The following NCOA1 variants were observed in gnomAD, a reference collection of about 807,000 sequenced individuals.
NCOA1 encodes the protein Hin-2 protein.
Under a neutral mutation model 150.9 loss-of-function variants are expected in NCOA1, and 35 were observed. The observed-to-expected ratio is 0.23, with a 90% CI of 0.18 to 0.31. NCOA1 has a LOEUF of 0.31. Among genes scored for constraint, NCOA1 ranks in the 10% least tolerant of loss-of-function variants. NCOA1 has a pLI of 1.00. For missense variants in NCOA1, 1,491 were observed against 1,749.3 expected (o/e 0.85, Z 2.63); for synonymous variants, 590 against 630.0 (o/e 0.94, Z 0.95).
chr2:24,767,094 A>G (rs775858247), intron 22 of NCOA1, among the ~76,000 whole-genome samples: 5 of 152,198 alleles, frequency 3.3e-5, no homozygotes, highest in Non-Finnish European at 1.5e-5. Context: ...AGACCAGGGG[A>G]CAGACTGGTG....
At chr2:24,742,814 G>A (rs946752240) in intron 19 of NCOA1, among the ~76,000 whole-genome samples, 1 of 151,844 alleles carries the variant, frequency 6.6e-6, no homozygotes, top group African/African-American at 2.4e-5. Context: ...TTCAAAATTC[G>A]CATGTAGTTT....
At chr2:24,624,738 CA>C (rs1187794840) in intron 3 of NCOA1, among the ~76,000 whole-genome samples, 1 of 152,052 alleles carries the variant, frequency 6.6e-6, no homozygotes, top group African/African-American at 2.4e-5. Context: ...CTCTACGTAT[CA>C]ATATAGAATA....
At chr2:24,661,325 G>T (rs1002282147) in intron 5 of NCOA1, among the ~76,000 whole-genome samples, 1 of 151,856 alleles carries the variant, frequency 6.6e-6, no homozygotes, top group East Asian at 1.9e-4. Context: ...TGAATTTCTT[G>T]GTTGTATCTT....
Position 24,673,445 on chromosome 2 carries a change from G to A in NCOA1, c.336G>A (p.Leu112=). ...SSQGVIEKES[L]GPLLLEALDG... is the part of the protein sequence containing the mutation. ...AAGGAGTGATAGAAAAGGAATCCTTGGGACCTCTTCTTTTGGAGGTAGGTG... is the reference window on the plus strand; with the variant it reads ...AAGGAGTGATAGAAAAGGAATCCTTAGGACCTCTTCTTTTGGAGGTAGGTG... The change falls in exon 7 of 23, where the codon TTG becomes TTA. Residue 112 remains leucine (L), a synonymous_variant. Transcript: ENST00000348332. The A allele has an allele frequency of 6.3e-7, 1 of 1,588,440 alleles. No homozygotes were observed. The highest frequency in any genetic ancestry group is 8.5e-7 in the Non-Finnish European group (1 of 1,170,762).
intron 7 of NCOA1, among the ~76,000 whole-genome samples, chr2:24,679,476 C>T (rs1404512429): frequency 6.6e-6 from 1 of 152,128 alleles, no homozygotes; most frequent in Non-Finnish European, 1.5e-5. Context: ...AGGTCTTCCA[C>T]TATCAACCTC....
At chr2:24,617,489 C>T (rs1434768165) in intron 3 of NCOA1, among the ~76,000 whole-genome samples, 1 of 152,102 alleles carries the variant, frequency 6.6e-6, no homozygotes, top group Non-Finnish European at 1.5e-5. Flanking sequence ...TGCACACGTT[C>T]TGTTGGTCAT....
At chr2:24,639,863 G>T (rs1670100286) in intron 3 of NCOA1, among the ~76,000 whole-genome samples, 1 of 140,142 alleles carries the variant, frequency 7.1e-6, no homozygotes. Context: ...ACTCCAGCCC[G>T]GGCGACAGTG....
At chr2:24,553,253 T>A (rs979138925) in intron 1 of NCOA1, among the ~76,000 whole-genome samples, 28 of 151,818 alleles carry the variant, frequency 1.8e-4, no homozygotes, top group Non-Finnish European at 3.4e-4. Flanking sequence ...AGGGTCTCAC[T>A]CTGTCGCCCA....
intron 1 of NCOA1, among the ~76,000 whole-genome samples, chr2:24,531,741 A>G (rs1047971548): frequency 6.6e-6 from 1 of 152,176 alleles, no homozygotes; most frequent in Admixed American, 6.5e-5. Flanking sequence ...TTTGCTGAGA[A>G]TGATGGTTTA....
At chr2:24,582,538 A>G (rs1667236648) in intron 2 of NCOA1, among the ~76,000 whole-genome samples, 1 of 152,180 alleles carries the variant, frequency 6.6e-6, no homozygotes, top group Non-Finnish European at 1.5e-5. Context: ...ACCCAAAGCA[A>G]TGTACAGATT....
chr2:24,520,001 A>G (rs141606145), intron 1 of NCOA1, among the ~76,000 whole-genome samples: 392 of 152,348 alleles, frequency 2.6e-3, no homozygotes, highest in Non-Finnish European at 3.8e-3. Flanking sequence ...TGATGGATGA[A>G]CACATCAAAA....
At chr2:24,500,170 G>A (rs951426434) in intron 1 of NCOA1, among the ~76,000 whole-genome samples, 2 of 151,850 alleles carry the variant, frequency 1.3e-5, no homozygotes, top group South Asian at 2.1e-4. Flanking sequence ...GTGCAATGGC[G>A]CGATCTCGGC....
At chr2:24,656,919 A>G (rs1205451150) in intron 4 of NCOA1, among the ~76,000 whole-genome samples, 5 of 152,258 alleles carry the variant, frequency 3.3e-5, no homozygotes, top group Non-Finnish European at 7.3e-5. Context: ...ATACTGCCAC[A>G]TAAATATTGG....
chr2:24,683,169 G>C (rs777521642), intron 8 of NCOA1, 41 bp downstream of exon 8: 17 of 1,306,048 alleles, frequency 1.3e-5, no homozygotes, highest in Admixed American at 8.0e-5. Flanking sequence ...CTAGCTCTCT[G>C]TATCTTCTCC....
rs201168645 is a variant in NCOA1 at position 24,707,592 on chromosome 2, G to A, written c.2122G>A (p.Glu708Lys). Residue 708 changes from glutamate (E) to lysine (K), a missense_variant, in exon 13 of 23, where the codon GAG (glutamate) becomes AAG (lysine). By Grantham distance (56) the Glu-to-Lys change is moderately conservative. This residue lies in a region of NCOA1 where 703 missense variants were observed against 717.7 expected (regional missense o/e 0.98). Coordinates refer to ENST00000348332, the MANE Select transcript of NCOA1 (RefSeq NM_003743.5). ...CTCAGATATCACCACTTTGTCTGTCGAGCCTGATAAAAAGGACAGTGCATC... is the reference window on the plus strand; with the variant it reads ...CTCAGATATCACCACTTTGTCTGTCAAGCCTGATAAAAAGGACAGTGCATC... ...SPSDITTLSV[E>K]PDKKDSASTS... 96 of 1,613,952 alleles carry A rather than the reference G, an allele frequency of 5.9e-5. No individual in the cohort carries two copies. The highest frequency in any genetic ancestry group is 2.2e-5 in the East Asian group (1 of 44,888).
At chr2:24,759,398 A>G (rs933916751) in intron 21 of NCOA1, among the ~76,000 whole-genome samples, 1 of 152,242 alleles carries the variant, frequency 6.6e-6, no homozygotes, top group African/African-American at 2.4e-5. Flanking sequence ...TGAAAGCCTA[A>G]TTAATGTTAA....
intron 9 of NCOA1, among the ~76,000 whole-genome samples, chr2:24,691,874 C>G (rs990859891): frequency 2.6e-5 from 4 of 152,260 alleles, no homozygotes; most frequent in Middle Eastern, 3.4e-3. Context: ...CCCAGATTCT[C>G]AGTTTTAAGC....
At chr2:24,654,417 A>G (rs762544248) in intron 4 of NCOA1, among the ~76,000 whole-genome samples, 1 of 152,218 alleles carries the variant, frequency 6.6e-6, no homozygotes, top group Non-Finnish European at 1.5e-5. Context: ...ATTAACAGAA[A>G]TCTGAAATTT....
intron 14 of NCOA1, among the ~76,000 whole-genome samples, chr2:24,718,711 C>T (rs1674186143): frequency 6.8e-6 from 1 of 148,010 alleles, no homozygotes; most frequent in African/African-American, 2.5e-5. Context: ...GAAACCCCAT[C>T]TCTACTAAAA....
Sources: gnomAD v4.1 joint callset for allele counts (sites outside exome capture counted in the v4.1 genomes callset) on GRCh38, gnomAD v4.1.1 for gene constraint, gnomAD v4.1.1 regional missense constraint, MANE v1.5 for transcripts, NCBI Gene and HGNC (gene_info 2026-07-23, HGNC 2026-07-21) for gene names.